Variants in AAMDC observed in about 807,000 individuals in gnomAD.
AAMDC encodes the protein mth938 domain-containing protein.
AAMDC carries 16 observed loss-of-function variants against 15.5 expected under a neutral mutation model. The ratio of observed to expected loss-of-function variants is 1.03; its 90% CI spans 0.70 to 1.57. AAMDC has a LOEUF of 1.57. Among genes scored for constraint, AAMDC ranks in the 40% most tolerant of loss-of-function variants. AAMDC has a pLI of 0.00. For missense variants in AAMDC, 141 were observed against 144.9 expected (o/e 0.97, Z 0.14); for synonymous variants, 51 against 51.6 (o/e 0.99, Z 0.05).
intron 2 of AAMDC, chr11:77,869,206 T>G (rs1471553836): frequency 4.7e-6 from 1 of 210,632 alleles, no homozygotes; most frequent in East Asian, 1.2e-4. Context: ...TTTGGCAAAT[T>G]ACTGGAAGAT....
intron 5 of AAMDC, among the ~76,000 whole-genome samples, chr11:77,900,349 T>C (rs549349598): frequency 6.6e-6 from 1 of 152,296 alleles, no homozygotes; most frequent in African/African-American, 2.4e-5. Context: ...TCTGCCCACC[T>C]TGGCCTCCCA....
At chr11:77,891,843 G>A (rs368680854) in intron 5 of AAMDC, 24 of 1,610,976 alleles carry the variant, frequency 1.5e-5, no homozygotes, top group Non-Finnish European at 1.9e-5. Flanking sequence ...TGAAATACCT[G>A]GAGGAACAAA....
At chr11:77,837,486 G>A (rs556852787) in intron 1 of AAMDC, among the ~76,000 whole-genome samples, 2 of 145,746 alleles carry the variant, frequency 1.4e-5, no homozygotes, top group African/African-American at 2.6e-5. Flanking sequence ...ATGGAGTCTC[G>A]CTCTGTCACC....
chr11:77,861,404 G>A (rs868655138), intron 2 of AAMDC, among the ~76,000 whole-genome samples: 1 of 152,198 alleles, frequency 6.6e-6, no homozygotes, highest in Admixed American at 6.5e-5. Flanking sequence ...CAGGACAGGA[G>A]AGTAAGACTG....
intron 5 of AAMDC, among the ~76,000 whole-genome samples, chr11:77,886,398 T>C (rs1282909796): frequency 6.6e-6 from 1 of 152,170 alleles, no homozygotes; most frequent in Non-Finnish European, 1.5e-5. Context: ...TAGAATACAG[T>C]AACCTAGATT....
At chr11:77,825,003 CAG>C (rs1455158482) in intron 1 of AAMDC, among the ~76,000 whole-genome samples, 1 of 151,980 alleles carries the variant, frequency 6.6e-6, no homozygotes, top group African/African-American at 2.4e-5. Flanking sequence ...CTTTTTGAGA[CAG>C]AGTCTCACTC....
At chr11:77,902,319 T>C (rs1221765311), downstream of AAMDC, among the ~76,000 whole-genome samples, 4 of 152,154 alleles carry the variant, frequency 2.6e-5, no homozygotes, top group African/African-American at 4.8e-5. Context: ...TATACAGCAA[T>C]GGTAATTCCT....
intron 2 of AAMDC, among the ~76,000 whole-genome samples, chr11:77,843,809 G>A (rs1187614419): frequency 6.6e-6 from 1 of 152,132 alleles, no homozygotes; most frequent in Non-Finnish European, 1.5e-5. Flanking sequence ...GAGAAAAAGA[G>A]GTTTAATGGA....
At chr11:77,878,797 C>T (rs1344166831) in intron 5 of AAMDC, 2 of 733,750 alleles carry the variant, frequency 2.7e-6, no homozygotes, top group South Asian at 1.5e-5. Flanking sequence ...AATGAAGAAA[C>T]AATTTATCCT....
chr11:77,897,259 C>T (rs1216971187), intron 5 of AAMDC, among the ~76,000 whole-genome samples: 5 of 151,282 alleles, frequency 3.3e-5, no homozygotes, highest in Admixed American at 6.6e-5. Context: ...TTTGGGAGGC[C>T]GAGGTGGAAG....
intron 5 of AAMDC, among the ~76,000 whole-genome samples, chr11:77,882,962 C>T (rs1157547962): frequency 6.6e-6 from 1 of 151,992 alleles, no homozygotes; most frequent in Non-Finnish European, 1.5e-5. Context: ...ATCCCAGCTA[C>T]TCGGGAGGCT....
chr11:77,884,257 A>G (rs576350207), intron 5 of AAMDC, among the ~76,000 whole-genome samples: 2 of 152,306 alleles, frequency 1.3e-5, no homozygotes, highest in Admixed American at 1.3e-4. Flanking sequence ...AGGCACCTTC[A>G]CCAGAAGAGC....
intron 2 of AAMDC, chr11:77,869,306 C>CTCTCTTTTTTTTTTTTTTTTTTTT (rs1555014194): frequency 8.3e-6 from 1 of 120,372 alleles, no homozygotes; most frequent in Non-Finnish European, 1.8e-5. Flanking sequence ...TTATTTATCT[C>CTCTCTTTTTTTTTTTTTTTTTTTT]TTTTTCTTTT....
At chr11:77,901,369 A>T, downstream of AAMDC, 1 of 1,589,366 alleles carries the variant, frequency 6.3e-7, no homozygotes, top group Non-Finnish European at 8.6e-7. Context: ...AATGCATTTG[A>T]AGTATCTTTG....
chr11:77,877,580 T>G (rs1490505744), intron 5 of AAMDC, among the ~76,000 whole-genome samples: 3 of 152,208 alleles, frequency 2.0e-5, no homozygotes, highest in Non-Finnish European at 4.4e-5. Context: ...TGGTATAGCT[T>G]AGACCTTTGG....
chr11:77,876,534 C>T (rs1208707565), downstream of AAMDC, among the ~76,000 whole-genome samples: 2 of 151,964 alleles, frequency 1.3e-5, no homozygotes, highest in Admixed American at 6.6e-5. Flanking sequence ...CGATACGATA[C>T]TTGAATTGCT....
intron 5 of AAMDC, among the ~76,000 whole-genome samples, chr11:77,895,779 TACA>T (rs1952491140): frequency 1.3e-5 from 2 of 151,848 alleles, no homozygotes; most frequent in Non-Finnish European, 2.9e-5. Flanking sequence ...GGAAGTAAAA[TACA>T]AAAAGATTTG....
chr11:77,871,256 A>C (rs1424758611), intron 3 of AAMDC, among the ~76,000 whole-genome samples: 1 of 152,236 alleles, frequency 6.6e-6, no homozygotes, highest in Admixed American at 6.5e-5. Context: ...GAGTCTAATT[A>C]AAATCTATTT....
At chr11:77,837,649 TG>T (rs1230202265) in intron 1 of AAMDC, among the ~76,000 whole-genome samples, 1 of 152,178 alleles carries the variant, frequency 6.6e-6, no homozygotes, top group African/African-American at 2.4e-5. Flanking sequence ...TTGGCCAGGC[TG>T]GTCTTGAACT....
Sources: allele counts gnomAD v4.1 joint callset (sites outside exome capture counted in the v4.1 genomes callset), GRCh38; gene constraint gnomAD v4.1.1; transcripts MANE v1.5; gene names NCBI Gene and HGNC (gene_info 2026-07-23, HGNC 2026-07-21).